MAST2: variants seen among roughly 807,000 people sequenced by gnomAD.
The protein encoded by MAST2 is microtubule associated serine/threonine kinase 2.
A neutral mutation model predicts 147.4 loss-of-function variants in MAST2; 70 were observed. The observed-to-expected ratio is 0.47, with a 90% CI of 0.39 to 0.58. The LOEUF is 0.58. Ranked by LOEUF, MAST2 falls within the 20% of genes least tolerant of loss-of-function variation. The pLI, the probability that MAST2 is intolerant of heterozygous loss-of-function variation, is 0.00. For synonymous variants in MAST2, 869 were observed against 896.8 expected (o/e 0.97, Z 0.55); for missense variants, 2,080 against 2,302.3 (o/e 0.90, Z 1.98).
At chr1:45,848,091 T>C (rs1645500920) in intron 3 of MAST2, among the ~76,000 whole-genome samples, 1 of 152,240 alleles carries the variant, frequency 6.6e-6, no homozygotes. Flanking sequence ...ATATGTCTTA[T>C]CTATAGAATG....
chr1:45,839,454 G>A (rs1333727260), intron 3 of MAST2, among the ~76,000 whole-genome samples: 2 of 152,040 alleles, frequency 1.3e-5, no homozygotes, highest in Admixed American at 1.3e-4. Context: ...TGTATTTTTT[G>A]TAGAGATGGG....
chr1:45,968,278 G>T (rs1208303989), intron 5 of MAST2, among the ~76,000 whole-genome samples: 2 of 152,204 alleles, frequency 1.3e-5, no homozygotes, highest in Non-Finnish European at 2.9e-5. Flanking sequence ...CTTCTCCAGT[G>T]TGCTTGCTTG....
chr1:45,863,137 A>C (rs1646034599), intron 3 of MAST2, among the ~76,000 whole-genome samples: 1 of 152,074 alleles, frequency 6.6e-6, no homozygotes, highest in Non-Finnish European at 1.5e-5. Flanking sequence ...TGAATTTTGA[A>C]TCTTTTGTCT....
At chr1:45,889,345 C>A (rs560896097) in intron 4 of MAST2, among the ~76,000 whole-genome samples, 9 of 152,188 alleles carry the variant, frequency 5.9e-5, no homozygotes, top group African/African-American at 1.7e-4. Context: ...CGCCGCCACA[C>A]CCAGCTAATT....
chr1:45,972,937 G>A (rs1052979267), intron 5 of MAST2, among the ~76,000 whole-genome samples: 7 of 152,126 alleles, frequency 4.6e-5, no homozygotes, highest in African/African-American at 1.7e-4. Flanking sequence ...TAATCTCAAA[G>A]CATTGGGTCT....
intron 4 of MAST2, among the ~76,000 whole-genome samples, chr1:45,933,364 A>G (rs927103131): frequency 1.3e-5 from 2 of 152,136 alleles, no homozygotes; most frequent in African/African-American, 4.8e-5. Context: ...ATTGAAAACT[A>G]TAAGCTCACA....
chr1:45,948,355 T>C (rs1658397493), intron 4 of MAST2, among the ~76,000 whole-genome samples: 2 of 152,308 alleles, frequency 1.3e-5, no homozygotes, highest in Admixed American at 1.3e-4. Context: ...GATTGAATGC[T>C]ATTTCTATCA....
At chr1:45,860,856 C>T (rs1432802987) in intron 3 of MAST2, among the ~76,000 whole-genome samples, 3 of 152,112 alleles carry the variant, frequency 2.0e-5, no homozygotes, top group African/African-American at 7.2e-5. Flanking sequence ...CTTACTACTC[C>T]TCTCAACTCC....
chr1:45,883,363 T>A (rs894797313), intron 4 of MAST2, among the ~76,000 whole-genome samples: 3 of 152,232 alleles, frequency 2.0e-5, no homozygotes, highest in Admixed American at 1.3e-4. Flanking sequence ...GCTCTAGTGA[T>A]TAAATTTTCC....
intron 17 of MAST2, 21 bp downstream of exon 17, chr1:46,027,884 C>A (rs1326480581): frequency 1.9e-6 from 3 of 1,613,076 alleles, no homozygotes; most frequent in East Asian, 4.5e-5. Flanking sequence ...GTAGTTGATA[C>A]ACTGGGGGTT....
intron 4 of MAST2, among the ~76,000 whole-genome samples, chr1:45,912,596 A>T (rs6686134): frequency 6.6e-6 from 1 of 151,930 alleles, no homozygotes; most frequent in African/African-American, 2.4e-5. Context: ...CCTAGAAAAA[A>T]CAGTTTGATA....
At chr1:45,912,138 G>GA (rs1356882443) in intron 4 of MAST2, among the ~76,000 whole-genome samples, 3 of 151,890 alleles carry the variant, frequency 2.0e-5, no homozygotes, top group Admixed American at 6.6e-5. Flanking sequence ...TGGGGATTCT[G>GA]AAAAAAAGAG....
At chr1:45,914,371 AT>A (rs1652139113) in intron 4 of MAST2, among the ~76,000 whole-genome samples, 1 of 152,154 alleles carries the variant, frequency 6.6e-6, no homozygotes, top group Non-Finnish European at 1.5e-5. Context: ...ATATTGGCCA[AT>A]ATAGAAATAA....
At chr1:46,021,384 C>G (rs1646171982) in intron 11 of MAST2, among the ~76,000 whole-genome samples, 1 of 152,228 alleles carries the variant, frequency 6.6e-6, no homozygotes, top group African/African-American at 2.4e-5. Flanking sequence ...TCCCTGAAAG[C>G]CTTGATTTCC....
intron 11 of MAST2, 127 bp downstream of exon 11, chr1:46,019,824 T>C (rs1646110251): frequency 6.3e-6 from 5 of 790,912 alleles, no homozygotes; most frequent in Non-Finnish European, 8.4e-6. Context: ...TATTTAAATA[T>C]GATTTGCCAC....
rs577195424 is a variant in MAST2 at position 45,815,775 on chromosome 1, A to G, written c.178-8658A>G. Among the ~76,000 whole-genome samples the G allele has an allele frequency of 5.3e-5, 8 of 152,296 alleles. No homozygotes were observed. In the South Asian group the frequency reaches 1.2e-3, roughly 24 times the overall value. ...ACATGGCTTCCAAGTTCAGCTGAGG[A>G]AAGTGGAGGATGGGCCAATCCTAGA... On this transcript the variant is annotated intron_variant, in intron 1 of 28. Coordinates refer to ENST00000361297, the MANE Select transcript of MAST2 (RefSeq NM_015112.3).
rs530022727 is a variant in MAST2 at position 45,824,953 on chromosome 1, A to AG, written c.325+378dup. On this transcript the variant is annotated intron_variant, in intron 2 of 28. Coordinates refer to ENST00000361297, the MANE Select transcript of MAST2 (RefSeq NM_015112.3). ...TTCAAAGAAAAGACTTAAAAAATTC[A>AG]GGGGGAAAAAATTATACGAAGAAGT... Among the ~76,000 whole-genome samples the AG allele has an allele frequency of 5.5e-4, 84 of 152,336 alleles. No homozygotes were observed. In the East Asian group the frequency reaches 0.013, roughly 24 times the overall value.
chr1:45,980,230 G>A (rs1644345609), intron 5 of MAST2, among the ~76,000 whole-genome samples: 1 of 119,992 alleles, frequency 8.3e-6, no homozygotes, highest in Non-Finnish European at 1.6e-5. Flanking sequence ...GGTTGAAATC[G>A]CCCCACTGCA....
At chr1:45,937,579 G>A (rs1174294560) in intron 4 of MAST2, among the ~76,000 whole-genome samples, 3 of 151,628 alleles carry the variant, frequency 2.0e-5, no homozygotes, top group African/African-American at 4.8e-5. Flanking sequence ...GTGAAGCCCC[G>A]TCTCTACTAA....
Sources: gnomAD v4.1 joint callset for allele counts (sites outside exome capture counted in the v4.1 genomes callset) on GRCh38, gnomAD v4.1.1 for gene constraint, MANE v1.5 for transcripts, NCBI Gene and HGNC (gene_info 2026-07-23, HGNC 2026-07-21) for gene names.